The following ENTPD1 variants were observed in gnomAD, a reference collection of about 807,000 sequenced individuals.
The protein encoded by ENTPD1 is ATP diphosphohydrolase.
A neutral mutation model predicts 57.0 loss-of-function variants in ENTPD1; 33 were observed. That is an observed-to-expected ratio of 0.58 (90% CI 0.44 to 0.77). The LOEUF (loss-of-function observed/expected upper bound fraction) is 0.77, where lower values mean the gene tolerates loss of function less well. Among genes scored for constraint, ENTPD1 ranks in the 30% least tolerant of loss-of-function variants. The pLI, the probability that ENTPD1 is intolerant of heterozygous loss-of-function variation, is 0.00. For synonymous variants in ENTPD1, 202 were observed against 218.8 expected (o/e 0.92, Z 0.68); for missense variants, 501 against 603.4 (o/e 0.83, Z 1.78).
At chr10:95,863,704 C>T (rs760111432) in intron 8 of ENTPD1, among the ~76,000 whole-genome samples, 6 of 152,122 alleles carry the variant, frequency 3.9e-5, no homozygotes, top group East Asian at 1.9e-4. Flanking sequence ...TTAGGACCCA[C>T]GGAAGGGAGA....
At chr10:95,783,857 C>T (rs548766540) in intron 1 of ENTPD1, among the ~76,000 whole-genome samples, 23 of 152,210 alleles carry the variant, frequency 1.5e-4, no homozygotes, top group African/African-American at 5.3e-4. Context: ...CTGGGGAACT[C>T]AGCTTCTAGT....
chr10:95,866,280 A>G lies in ENTPD1; in HGVS notation c.1430A>G (p.Tyr477Cys), dbSNP rs560803005. 1.2e-6 allele frequency: 2 copies of G among 1,613,994 alleles called. No homozygotes were observed. The highest frequency in any genetic ancestry group is 2.2e-5 in the East Asian group (1 of 44,878). ...TCCACACCTCTCTCCCACTCCACCT[A>G]TGTCTTCCTCATGGTTCTATTCTCC... ...PLSTPLSHST[Y>C]VFLMVLFSLV... Residue 477 changes from tyrosine to cysteine, a missense_variant, in exon 10 of 10, where the codon TAT becomes TGT. Transcript: ENST00000371205.
intron 1 of ENTPD1, among the ~76,000 whole-genome samples, chr10:95,728,209 G>A (rs1336774959): frequency 6.6e-6 from 1 of 152,120 alleles, no homozygotes; most frequent in Non-Finnish European, 1.5e-5. Flanking sequence ...TCTATTAATA[G>A]CCTACTATTG....
chr10:95,767,271 T>TCTCAAAA (rs2098092782), intron 1 of ENTPD1, among the ~76,000 whole-genome samples: 1 of 125,454 alleles, frequency 8.0e-6, no homozygotes, highest in African/African-American at 3.2e-5. Context: ...GCCGAGATCA[T>TCTCAAAA]ACCACTGCAC....
chr10:95,846,697 T>C (rs2140875024), intron 6 of ENTPD1, among the ~76,000 whole-genome samples: 1 of 151,970 alleles, frequency 6.6e-6, no homozygotes, highest in Non-Finnish European at 1.5e-5. Context: ...TAGAAATTAC[T>C]TTTTTTTGGG....
At chr10:95,750,750 C>T (rs370439796), upstream of ENTPD1, among the ~76,000 whole-genome samples, 2 of 152,134 alleles carry the variant, frequency 1.3e-5, no homozygotes, top group Non-Finnish European at 2.9e-5. Context: ...TGTGGCCAGG[C>T]GCGGTGGCTC....
At chr10:95,705,388 T>C in the ENTPD1 span, among the ~76,000 whole-genome samples, 2 of 152,104 alleles carry the variant, frequency 1.3e-5, no homozygotes, top group African/African-American at 4.8e-5. Context: ...ATCAACCTTA[T>C]TATCCATCAA....
the ENTPD1 span, among the ~76,000 whole-genome samples, chr10:95,696,923 A>G: frequency 6.6e-6 from 1 of 152,228 alleles, no homozygotes; most frequent in African/African-American, 2.4e-5. Context: ...CCTTTTCCAA[A>G]AATCTCTGAA....
chr10:95,868,810 T>G lies in ENTPD1; in HGVS notation c.*2427T>G. 1 of 985,342 alleles carries G rather than the reference T, an allele frequency of 1.0e-6. No individual in the cohort carries two copies. The highest frequency in any genetic ancestry group is 1.2e-6 in the Non-Finnish European group (1 of 829,920). 61.0% of individuals were successfully genotyped at this position (985,342 alleles called of 1,614,324 possible). On this transcript the variant is annotated 3_prime_UTR_variant, in exon 10 of 10. Coordinates refer to ENST00000371205, the MANE Select transcript of ENTPD1 (RefSeq NM_001776.6). ...TTCAGAGAACACAAATCTTTTCTTA[T>G]TCCATTCCTGTTTGGTTGCCTACGT...
intron 8 of ENTPD1, among the ~76,000 whole-genome samples, chr10:95,862,056 T>C (rs1047673659): frequency 1.3e-5 from 2 of 152,200 alleles, no homozygotes; most frequent in East Asian, 3.8e-4. Flanking sequence ...ATCTCATGTT[T>C]TACTTCATAA....
At chr10:95,703,307 G>A in the ENTPD1 span, among the ~76,000 whole-genome samples, 10 of 152,052 alleles carry the variant, frequency 6.6e-5, no homozygotes, top group Non-Finnish European at 1.3e-4. Flanking sequence ...GATCTCAGAC[G>A]GATGCATGGA....
chr10:95,719,127 C>T (rs2097974734), intron 1 of ENTPD1, among the ~76,000 whole-genome samples: 1 of 152,196 alleles, frequency 6.6e-6, no homozygotes, highest in Non-Finnish European at 1.5e-5. Flanking sequence ...CTGCTACTGC[C>T]ACCACTACCC....
chr10:95,860,459 T>G lies in ENTPD1; in HGVS notation c.1075-10T>G. On this transcript the variant is annotated splice_polypyrimidine_tract_variant and intron_variant, in intron 7 of 9. Coordinates refer to ENST00000371205, the MANE Select transcript of ENTPD1 (RefSeq NM_001776.6). ...GGAACACAGCCTAAAACTGCGATTT[T>G]CTCTTGTAGGCATTTTCAGCTTTTT... 1 of 1,610,120 alleles carries G rather than the reference T, an allele frequency of 6.2e-7. No homozygotes were observed. Among genetic ancestry groups the G allele is most frequent in the Non-Finnish European group, 8.5e-7 (1 of 1,177,418 alleles).
chr10:95,865,692 GTTTAT>G (rs1454000989), intron 9 of ENTPD1, among the ~76,000 whole-genome samples: 1 of 152,074 alleles, frequency 6.6e-6, no homozygotes, highest in Non-Finnish European at 1.5e-5. Context: ...AATTCCAGCA[GTTTAT>G]TTTGTTTGAA....
At chr10:95,859,963 T>C (rs1211097934) in intron 7 of ENTPD1, among the ~76,000 whole-genome samples, 1 of 152,150 alleles carries the variant, frequency 6.6e-6, no homozygotes, top group Non-Finnish European at 1.5e-5. Context: ...TAGCCCATAG[T>C]AGACCTGTAA....
chr10:95,806,895 G>A (rs991333223), intron 1 of ENTPD1, among the ~76,000 whole-genome samples: 2 of 152,154 alleles, frequency 1.3e-5, no homozygotes, highest in Non-Finnish European at 2.9e-5. Context: ...GTCCCAAAAG[G>A]GGACCCGCCT....
intron 1 of ENTPD1, among the ~76,000 whole-genome samples, chr10:95,762,942 C>A (rs2098072230): frequency 6.6e-6 from 1 of 151,970 alleles, no homozygotes; most frequent in African/African-American, 2.4e-5. Flanking sequence ...CGATATACTT[C>A]TTTTGTATAC....
At position 95,871,267 on chromosome 10, in the gene ENTPD1, A is replaced by G. The variant is rs568450562; in HGVS notation, c.*4884A>G. 2 of 984,696 alleles carry G rather than the reference A, an allele frequency of 2.0e-6. No individual in the cohort carries two copies. Among genetic ancestry groups the G allele is most frequent in the Non-Finnish European group, 2.4e-6 (2 of 829,350 alleles). 61.0% of individuals were successfully genotyped at this position (984,696 alleles called of 1,614,324 possible). The stretch of plus-strand genomic sequence containing the variant: ...CAATGTCTTATTAACTGAAATATAA[A>G]ATGTGTTTACTGTAAAATATAATCT... On this transcript the variant is annotated 3_prime_UTR_variant, in exon 10 of 10. Transcript: ENST00000371205.
chr10:95,756,089 C>A, upstream of ENTPD1: 1 of 1,516,520 alleles, frequency 6.6e-7, no homozygotes, highest in Non-Finnish European at 8.8e-7. Flanking sequence ...CCTTCCGAAA[C>A]GGGGCCGGCT....
Sources: gnomAD v4.1 joint callset for allele counts (sites outside exome capture counted in the v4.1 genomes callset) on GRCh38, gnomAD v4.1.1 for gene constraint, MANE v1.5 for transcripts, NCBI Gene and HGNC (gene_info 2026-07-23, HGNC 2026-07-21) for gene names.